Variants in DGKB observed in about 807,000 individuals in gnomAD.
The protein encoded by DGKB is diacylglycerol kinase beta, also known as 90 kDa diacylglycerol kinase.
A neutral mutation model predicts 114.3 loss-of-function variants in DGKB; 67 were observed. That is an observed-to-expected ratio of 0.59 (90% CI 0.48 to 0.72). DGKB has a LOEUF of 0.72. Among genes scored for constraint, DGKB ranks in the 30% least tolerant of loss-of-function variants. The pLI is 0.00. For missense variants in DGKB, 907 were observed against 975.2 expected (o/e 0.93, Z 0.93); for synonymous variants, 398 against 323.1 (o/e 1.23, Z -2.49).
At chr7:14,908,190 G>C (rs1306900776), upstream of DGKB, among the ~76,000 whole-genome samples, 1 of 152,162 alleles carries the variant, frequency 6.6e-6, no homozygotes, top group Non-Finnish European at 1.5e-5. Context: ...TTTAAAAAAA[G>C]AGAAGGCATA....
intron 25 of DGKB, among the ~76,000 whole-genome samples, chr7:14,154,405 G>C (rs957048664): frequency 3.3e-5 from 5 of 151,738 alleles, no homozygotes; most frequent in Non-Finnish European, 7.4e-5. Flanking sequence ...TGGCTGCCTA[G>C]GCCCACCATT....
intron 23 of DGKB, among the ~76,000 whole-genome samples, chr7:14,309,753 C>A (rs1805064028): frequency 6.6e-6 from 1 of 152,144 alleles, no homozygotes; most frequent in Non-Finnish European, 1.5e-5. Context: ...GACAACCAGA[C>A]AAATACTGAA....
At chr7:14,971,038 G>A (rs1363221833) in intron 1 of DGKB, among the ~76,000 whole-genome samples, 1 of 152,158 alleles carries the variant, frequency 6.6e-6, no homozygotes, top group Admixed American at 6.5e-5. Flanking sequence ...TTCCCAAGGA[G>A]TCAAATAAGG....
chr7:14,752,271 T>A (rs1003463537), intron 4 of DGKB, among the ~76,000 whole-genome samples: 1 of 152,172 alleles, frequency 6.6e-6, no homozygotes, highest in Non-Finnish European at 1.5e-5. Flanking sequence ...GTTAAAGACA[T>A]TTAAAATATT....
chr7:14,244,615 A>G (rs1794179418), intron 23 of DGKB, among the ~76,000 whole-genome samples: 2 of 142,198 alleles, frequency 1.4e-5, no homozygotes, highest in Non-Finnish European at 3.0e-5. Flanking sequence ...GGTTGCAGTG[A>G]GCTGAGATCA....
At chr7:14,269,982 A>G (rs562519161) in intron 23 of DGKB, among the ~76,000 whole-genome samples, 10 of 143,196 alleles carry the variant, frequency 7.0e-5, no homozygotes, top group African/African-American at 2.4e-4. Context: ...AAATGTACTG[A>G]CCTTTCTCAA....
At chr7:14,359,120 A>G (rs1158879120) in intron 21 of DGKB, among the ~76,000 whole-genome samples, 4 of 151,004 alleles carry the variant, frequency 2.6e-5, no homozygotes, top group African/African-American at 9.8e-5. Context: ...ATATATATGT[A>G]TATAGAACAA....
intron 20 of DGKB, among the ~76,000 whole-genome samples, chr7:14,559,273 C>G (rs908022077): frequency 2.6e-5 from 4 of 151,954 alleles, no homozygotes; most frequent in Non-Finnish European, 5.9e-5. Context: ...TTACATATAC[C>G]AAGTTTATTG....
At chr7:14,519,698 A>G (rs1789427306) in intron 20 of DGKB, among the ~76,000 whole-genome samples, 1 of 151,932 alleles carries the variant, frequency 6.6e-6, no homozygotes, top group African/African-American at 2.4e-5. Context: ...GGTATTGGAC[A>G]TACTCACCAA....
intron 20 of DGKB, among the ~76,000 whole-genome samples, chr7:14,531,993 CT>C (rs1209697961): frequency 1.3e-5 from 2 of 151,090 alleles, no homozygotes; most frequent in Admixed American, 1.3e-4. Context: ...GAAGTTAGGC[CT>C]TCCCTTTAAA....
At chr7:14,860,139 G>T (rs764642730) in intron 1 of DGKB, among the ~76,000 whole-genome samples, 23 of 151,994 alleles carry the variant, frequency 1.5e-4, no homozygotes, top group Non-Finnish European at 1.5e-5. Flanking sequence ...AATATGCCAA[G>T]TATTTTCCTT....
chr7:14,844,961 G>A (rs1378765529), intron 1 of DGKB, among the ~76,000 whole-genome samples: 1 of 151,704 alleles, frequency 6.6e-6, no homozygotes, highest in Non-Finnish European at 1.5e-5. Context: ...ACAAAAATTA[G>A]CTGGGCATGG....
At chr7:14,481,629 G>T (rs1328384744) in intron 20 of DGKB, among the ~76,000 whole-genome samples, 1 of 151,872 alleles carries the variant, frequency 6.6e-6, no homozygotes, top group African/African-American at 2.4e-5. Flanking sequence ...AATTAGAAAT[G>T]AGTGTCATCA....
rs73680490 is a variant in DGKB at position 14,593,731 on chromosome 7, C to T, written c.1434-10594G>A. On this transcript the variant is annotated intron_variant, in intron 17 of 25. Coordinates refer to ENST00000402815, the MANE Select transcript of DGKB (RefSeq NM_001350709.2). Reference sequence around the variant, plus strand: ...GTCATTATTTTAGACTGAGCTTCTGCACTAGGCCCCAACAGACCAGAACAA... The same window carrying T: ...GTCATTATTTTAGACTGAGCTTCTGTACTAGGCCCCAACAGACCAGAACAA... Among the ~76,000 whole-genome samples, 790 of 151,700 alleles carry T rather than the reference C, an allele frequency of 5.2e-3. 7 individuals are homozygous for T. Among genetic ancestry groups the T allele is most frequent in the African/African-American group, 0.018 (742 of 41,372 alleles).
intron 23 of DGKB, among the ~76,000 whole-genome samples, chr7:14,313,918 T>G (rs780841054): frequency 1.3e-5 from 2 of 152,204 alleles, no homozygotes; most frequent in Non-Finnish European, 2.9e-5. Flanking sequence ...GTTCTCCCAG[T>G]GCGCAGCCAG....
intron 12 of DGKB, among the ~76,000 whole-genome samples, chr7:14,676,873 A>G (rs1342363915): frequency 6.6e-6 from 1 of 152,092 alleles, no homozygotes; most frequent in African/African-American, 2.4e-5. Context: ...TTAAAATTTA[A>G]AAAAACATTT....
At chr7:14,526,946 G>A (rs2128581498) in intron 20 of DGKB, among the ~76,000 whole-genome samples, 1 of 152,156 alleles carries the variant, frequency 6.6e-6, no homozygotes, top group South Asian at 2.1e-4. Context: ...ACACCTATAT[G>A]CTTACAAATC....
intron 4 of DGKB, among the ~76,000 whole-genome samples, chr7:14,751,311 C>G (rs1338885887): frequency 6.6e-6 from 1 of 152,078 alleles, no homozygotes; most frequent in Non-Finnish European, 1.5e-5. Flanking sequence ...AATGAAAGAA[C>G]AAACATTCTA....
chr7:14,256,713 A>T (rs1796022504), intron 23 of DGKB, among the ~76,000 whole-genome samples: 2 of 152,316 alleles, frequency 1.3e-5, no homozygotes, highest in Admixed American at 6.5e-5. Flanking sequence ...GGCAGAAGAG[A>T]TGTAGACAGA....
Sources: gnomAD v4.1 joint callset for allele counts (sites outside exome capture counted in the v4.1 genomes callset) on GRCh38, gnomAD v4.1.1 for gene constraint, MANE v1.5 for transcripts, NCBI Gene and HGNC (gene_info 2026-07-23, HGNC 2026-07-21) for gene names.